Variants in CPLX2 observed in about 807,000 individuals in gnomAD.
The protein encoded by CPLX2 is complexin-2.
In CPLX2, 5 loss-of-function variants were observed where a neutral mutation model predicts 16.3. The ratio of observed to expected loss-of-function variants is 0.31; its 90% CI spans 0.16 to 0.64. The LOEUF is 0.64. Among genes scored for constraint, CPLX2 ranks in the 30% least tolerant of loss-of-function variants. The probability of loss-of-function intolerance (pLI) is 0.79; values close to 1 mark genes in which losing one functional copy is unlikely to be tolerated. For synonymous variants in CPLX2, 89 were observed against 73.2 expected, an observed-to-expected ratio of 1.22 and a Z score of -1.10; for missense variants, 144 against 181.4, an observed-to-expected ratio of 0.79 and a Z score of 1.18.
Position 175,809,539 on chromosome 5 carries a change from C to T in CPLX2, c.-89+471C>T, listed in dbSNP as rs1244034908. ...GAATGGAAAGGCAGGGCTGGGCTGG[C>T]ACTTGGCTCTCTTGTCACTGTCAGA... On this transcript the variant is annotated intron_variant, in intron 2 of 4. Coordinates refer to the CPLX2 transcript ENST00000359546. This position sits in a 1 kb window ranked among gnomAD's most constrained non-coding sequence, Gnocchi z 4.4. 1 of 152,346 alleles carries T rather than the reference C, an allele frequency of 6.6e-6. No homozygotes were observed. Among genetic ancestry groups the T allele is most frequent in the African/African-American group, 2.4e-5 (1 of 41,424 alleles). The allele number at this position is 152,346 out of a possible 1,614,324, so 9.4% of individuals were successfully genotyped here.
chr5:175,818,205 G>A (rs970540495), intron 2 of CPLX2, among the ~76,000 whole-genome samples: 1 of 152,142 alleles, frequency 6.6e-6, no homozygotes, highest in Non-Finnish European at 1.5e-5. Flanking sequence ...GGAGGGGAAG[G>A]ATGAGGAGGC....
At chr5:175,875,462 C>T (rs570279624) in intron 1 of CPLX2, among the ~76,000 whole-genome samples, 2 of 152,270 alleles carry the variant, frequency 1.3e-5, no homozygotes, top group African/African-American at 4.8e-5. Context: ...TACTGAGCAC[C>T]CAGCATGTGC....
At chr5:175,804,089 A>G (rs529829607) in intron 1 of CPLX2, among the ~76,000 whole-genome samples, 1 of 149,950 alleles carries the variant, frequency 6.7e-6, no homozygotes, top group African/African-American at 2.5e-5. Context: ...ATTTTTTTTT[A>G]AATTAATGCA....
At chr5:175,803,703 C>A (rs187120134) in intron 1 of CPLX2, among the ~76,000 whole-genome samples, 2 of 152,298 alleles carry the variant, frequency 1.3e-5, no homozygotes, top group Admixed American at 6.5e-5. Flanking sequence ...GTGGCGTGAT[C>A]TAAATTGTGA....
At position 175,824,718 on chromosome 5, in the gene CPLX2, CACA is replaced by C. The variant is rs572678877; in HGVS notation, c.-89+15656_-89+15658del. The stretch of plus-strand genomic sequence containing the variant: ...GAAAGTGTCTACCACCTTGTTCTCA[CACA>C]ACAACTCGGAAGGCTGAGATTGACA... On this transcript the variant is annotated intron_variant, in intron 2 of 4. Transcript: ENST00000359546. Among the ~76,000 whole-genome samples the C allele has an allele frequency of 8.5e-5, 13 of 152,354 alleles. No homozygotes were observed. In the South Asian group the frequency reaches 2.7e-3, roughly 32 times the overall value.
intron 2 of CPLX2, among the ~76,000 whole-genome samples, chr5:175,859,596 G>A (rs138856258): frequency 2.0e-5 from 3 of 152,334 alleles, no homozygotes; most frequent in African/African-American, 7.2e-5. Flanking sequence ...CAAGAATGCC[G>A]ACGCCACTCA....
At chr5:175,820,769 C>G (rs1758491555) in intron 2 of CPLX2, among the ~76,000 whole-genome samples, 1 of 152,154 alleles carries the variant, frequency 6.6e-6, no homozygotes, top group Non-Finnish European at 1.5e-5. Context: ...CACCAAGAGG[C>G]CCACCAGCTC....
chr5:175,858,899 G>A (rs147820644), intron 2 of CPLX2, among the ~76,000 whole-genome samples: 1 of 152,320 alleles, frequency 6.6e-6, no homozygotes, highest in Non-Finnish European at 1.5e-5. Flanking sequence ...GGAAGGGAAA[G>A]GGCAGAACCG....
At chr5:175,855,855 G>C (rs1177459508) in intron 2 of CPLX2, among the ~76,000 whole-genome samples, 1 of 152,176 alleles carries the variant, frequency 6.6e-6, no homozygotes, top group Admixed American at 6.5e-5. Context: ...CAGAGAACGG[G>C]AAAGAGTGGT....
intron 2 of CPLX2, among the ~76,000 whole-genome samples, chr5:175,829,583 A>G (rs1017241860): frequency 1.3e-5 from 2 of 152,144 alleles, no homozygotes; most frequent in African/African-American, 4.8e-5. Flanking sequence ...CTTCCTACCT[A>G]AGGATTCCAT....
chr5:175,816,953 T>G (rs922747843), intron 2 of CPLX2, among the ~76,000 whole-genome samples: 1 of 152,244 alleles, frequency 6.6e-6, no homozygotes, highest in Non-Finnish European at 1.5e-5. Flanking sequence ...AGAAAGAAAT[T>G]GCCACCTGGT....
intron 2 of CPLX2, among the ~76,000 whole-genome samples, chr5:175,814,938 T>C (rs930343318): frequency 1.1e-4 from 16 of 152,148 alleles, no homozygotes; most frequent in African/African-American, 3.6e-4. Flanking sequence ...GCATGGCGGC[T>C]TGACAGGACT....
chr5:175,852,945 G>A (rs766178987), intron 2 of CPLX2, among the ~76,000 whole-genome samples: 1 of 152,218 alleles, frequency 6.6e-6, no homozygotes, highest in African/African-American at 2.4e-5. Flanking sequence ...TGTCTGTGAG[G>A]AAGTCTCAGT....
rs1278257444 is a variant in CPLX2 at position 175,880,414 on chromosome 5, T to C, written c.*369T>C. The C allele has an allele frequency of 2.8e-6, 1 of 355,250 alleles. No homozygotes were observed. The highest frequency in any genetic ancestry group is 5.5e-6 in the Non-Finnish European group (1 of 182,294). 22.0% of individuals were successfully genotyped at this position (355,250 alleles called of 1,614,324 possible). ...CCAAAGTAATGACACATTCCAGCCC[T>C]GCCCAGCATGCTGACCTTTGGCCTC... On this transcript the variant is annotated 3_prime_UTR_variant, in exon 4 of 4. Coordinates refer to ENST00000393745, the MANE Select transcript of CPLX2 (RefSeq NM_001008220.2).
intron 2 of CPLX2, among the ~76,000 whole-genome samples, chr5:175,866,501 A>ATATACAGGGGATGAGGG (rs1759479860): frequency 6.6e-6 from 1 of 152,120 alleles, no homozygotes; most frequent in Non-Finnish European, 1.5e-5. Flanking sequence ...GGATGAGGGG[A>ATATACAGGGGATGAGGG]GCTAACCAAG....
At chr5:175,847,598 C>T (rs991413021) in intron 2 of CPLX2, among the ~76,000 whole-genome samples, 2 of 152,238 alleles carry the variant, frequency 1.3e-5, no homozygotes, top group Admixed American at 1.3e-4. Flanking sequence ...AGATGGGCAT[C>T]TTACTGCCCT....
intron 2 of CPLX2, among the ~76,000 whole-genome samples, chr5:175,843,915 C>T (rs1173549514): frequency 6.6e-6 from 1 of 152,186 alleles, no homozygotes; most frequent in African/African-American, 2.4e-5. Context: ...GGTCCCAGCC[C>T]CACCTCTGAG....
intron 2 of CPLX2, among the ~76,000 whole-genome samples, chr5:175,859,866 C>T (rs1320291543): frequency 6.6e-6 from 1 of 152,148 alleles, no homozygotes; most frequent in Admixed American, 6.5e-5. Flanking sequence ...TTTGGACCTG[C>T]CTGATAAGAA....
upstream of CPLX2, among the ~76,000 whole-genome samples, chr5:175,869,596 C>T (rs544725199): frequency 6.6e-6 from 1 of 152,296 alleles, no homozygotes; most frequent in Admixed American, 6.5e-5. Flanking sequence ...TCTACTTTGC[C>T]AGGCACGTTA....
Sources: gnomAD v4.1 joint callset for allele counts (sites outside exome capture counted in the v4.1 genomes callset) on GRCh38, gnomAD v4.1.1 for gene constraint, Gnocchi (gnomAD v3.1) non-coding constraint, MANE v1.5 for transcripts, NCBI Gene and HGNC (gene_info 2026-07-23, HGNC 2026-07-21) for gene names.